The following NR5A2 variants were observed in gnomAD, a reference collection of about 807,000 sequenced individuals.
The protein encoded by NR5A2 is nuclear receptor subfamily 5 group A member 2, also known as CYP7A promoter-binding factor.
Under a neutral mutation model 62.7 loss-of-function variants are expected in NR5A2, and 26 were observed. The observed-to-expected ratio is 0.41, with a 90% CI of 0.30 to 0.58. The LOEUF is 0.58. NR5A2 is among the 20% of genes least tolerant of loss of function. The probability of loss-of-function intolerance (pLI) is 0.22; values close to 1 mark genes in which losing one functional copy is unlikely to be tolerated. For missense variants in NR5A2, 541 were observed against 669.1 expected, an observed-to-expected ratio of 0.81 and a Z score of 2.11; for synonymous variants, 246 against 241.7, an observed-to-expected ratio of 1.02 and a Z score of -0.16.
At chr1:200,053,401 A>T (rs1426508716) in intron 5 of NR5A2, among the ~76,000 whole-genome samples, 9 of 152,192 alleles carry the variant, frequency 5.9e-5, no homozygotes, top group Admixed American at 3.3e-4. Flanking sequence ...GAGATCACTG[A>T]GATCATTTGA....
At chr1:200,131,252 G>T (rs191812225) in intron 7 of NR5A2, among the ~76,000 whole-genome samples, 2 of 151,928 alleles carry the variant, frequency 1.3e-5, no homozygotes, top group Non-Finnish European at 2.9e-5. Context: ...TTTTCTTCCA[G>T]TGAGCAAAGC....
In NR5A2 at chr1:200,174,696, C is replaced by T. The variant is rs1654341361; in HGVS notation, c.*486C>T. 6.5e-6 allele frequency: 1 copy of T among 152,766 alleles called. No homozygotes were observed. 9.5% of individuals were successfully genotyped at this position (152,766 alleles called of 1,614,324 possible). On this transcript the variant is annotated 3_prime_UTR_variant, in exon 8 of 8. Transcript: ENST00000367362. ...ATCAGCTGTACCTACAATAGCCCCT[C>T]CCTCTTCCTTTGAAGGCCCCAGCAC... is the stretch of plus-strand genomic sequence containing the variant.
At position 200,174,126 on chromosome 1, in the gene NR5A2, A is replaced by C. The variant is rs1386772005; in HGVS notation, c.1542A>C (p.Glu514Asp). 1 of 1,613,866 alleles carries C rather than the reference A, an allele frequency of 6.2e-7. No individual in the cohort carries two copies. Among genetic ancestry groups the C allele is most frequent in the Admixed American group, 1.7e-5 (1 of 59,938 alleles). The change falls in exon 8 of 8, where the codon GAA becomes GAC. Residue 514 changes from glutamate to aspartate, a missense_variant. This residue lies in a region of NR5A2 where 379 missense variants were observed against 442.0 expected (regional missense o/e 0.86). Transcript: ENST00000367362. The stretch of plus-strand genomic sequence containing the variant: ...TCCGGGCCATCAGTATGCAGGCTGA[A>C]GAATACCTCTACTACAAGCACCTGA... ...PEIRAISMQA[E>D]EYLYYKHLNG...
intron 5 of NR5A2, among the ~76,000 whole-genome samples, chr1:200,072,315 CAG>C (rs1663773998): frequency 6.6e-6 from 1 of 152,030 alleles, no homozygotes; most frequent in Non-Finnish European, 1.5e-5. Flanking sequence ...ATATAGCAAT[CAG>C]ATAAATTTAA....
intron 1 of NR5A2, among the ~76,000 whole-genome samples, chr1:200,032,962 A>T (rs917871563): frequency 6.6e-6 from 1 of 152,236 alleles, no homozygotes; most frequent in Non-Finnish European, 1.5e-5. Context: ...CTTAAGAAAC[A>T]TATTTGTAAG....
intron 5 of NR5A2, among the ~76,000 whole-genome samples, chr1:200,052,007 G>A (rs149731997): frequency 2.2e-4 from 33 of 152,042 alleles, no homozygotes; most frequent in Admixed American, 1.0e-3. Context: ...TACAAGCCAC[G>A]CACTCTGATA....
intron 5 of NR5A2, among the ~76,000 whole-genome samples, chr1:200,068,364 T>C (rs1426762622): frequency 6.6e-6 from 1 of 152,212 alleles, no homozygotes; most frequent in Non-Finnish European, 1.5e-5. Context: ...GAGTGTTTCA[T>C]CTATTATAAT....
intron 5 of NR5A2, among the ~76,000 whole-genome samples, chr1:200,063,453 C>T (rs1045512282): frequency 1.3e-5 from 2 of 152,168 alleles, no homozygotes; most frequent in Non-Finnish European, 2.9e-5. Flanking sequence ...CCACCCCGCC[C>T]GGCCTAAAAG....
At chr1:200,132,172 G>A (rs1012333934) in intron 7 of NR5A2, among the ~76,000 whole-genome samples, 5 of 152,050 alleles carry the variant, frequency 3.3e-5, no homozygotes, top group African/African-American at 1.2e-4. Flanking sequence ...ACCACCCCCG[G>A]CTAATTTTTG....
intron 1 of NR5A2, chr1:200,038,668 G>A (rs749786088): frequency 2.7e-5 from 36 of 1,354,908 alleles, no homozygotes; most frequent in Non-Finnish European, 3.5e-5. Context: ...ACGCCCACCC[G>A]CGCCCCCATC....
Position 200,085,073 on chromosome 1 carries a change from A to G in NR5A2, c.1111-26129A>G, listed in dbSNP as rs1378194276. 1.3e-5 allele frequency among the ~76,000 whole-genome samples: 2 copies of G among 152,196 alleles called. 1 individual carries two copies. Among genetic ancestry groups the G allele is most frequent in the East Asian group, 3.9e-4 (2 of 5,192 alleles). On this transcript the variant is annotated intron_variant, in intron 5 of 7. Coordinates refer to ENST00000367362, the MANE Select transcript of NR5A2 (RefSeq NM_205860.3). ...GGAGGCTCCAGGGTGGGTTACTGCC[A>G]GTGGGGGACTAATGCTTCCGTCTAG...
At chr1:200,040,956 C>G (rs894774114) in intron 2 of NR5A2, among the ~76,000 whole-genome samples, 6 of 152,200 alleles carry the variant, frequency 3.9e-5, no homozygotes, top group African/African-American at 1.2e-4. Context: ...GTGAGAGTCC[C>G]CTAGAGCTGA....
At chr1:200,047,177 C>T (rs778916417) in intron 4 of NR5A2, among the ~76,000 whole-genome samples, 1 of 152,180 alleles carries the variant, frequency 6.6e-6, no homozygotes, top group Non-Finnish European at 1.5e-5. Context: ...TGCTAACTAA[C>T]TTATTAGTCA....
intron 7 of NR5A2, among the ~76,000 whole-genome samples, chr1:200,133,548 CACATATAT>C (rs774106755): frequency 0.41 from 54,920 of 132,432 alleles, 11,375 homozygotes; most frequent in Middle Eastern, 0.53. Context: ...TATATATATA[CACATATAT>C]ACACACATAT....
chr1:200,039,888 G>C lies in NR5A2; in HGVS notation c.202+93G>C. The C allele has an allele frequency of 4.2e-6, 6 of 1,420,956 alleles. No homozygotes were observed. The highest frequency in any genetic ancestry group is 4.6e-6 in the Non-Finnish European group (5 of 1,085,684). The allele number at this position is 1,420,956 out of a possible 1,614,324, so 88.0% of individuals were successfully genotyped here. A position where few individuals can be genotyped will look rare whatever the true frequency, so the allele number is the denominator to read the frequency against. ...TCAGCCTCCCGCCCCGCGCGGGCGC[G>C]GGAGTAGCCCCGCTGGGCGCTCGCA... On this transcript the variant is annotated intron_variant, in intron 2 of 7. Transcript: ENST00000367362. This position sits in a 1 kb window ranked among gnomAD's most constrained non-coding sequence, Gnocchi z 5.1.
chr1:200,175,895 C>A lies in NR5A2; in HGVS notation c.*1685C>A, dbSNP rs956792618. 3 of 152,482 alleles carry A rather than the reference C, an allele frequency of 2.0e-5. No individual in the cohort carries two copies. Among genetic ancestry groups the A allele is most frequent in the Admixed American group, 2.0e-4 (3 of 15,272 alleles). 9.4% of individuals were successfully genotyped at this position (152,482 alleles called of 1,614,324 possible). A position where few individuals can be genotyped will look rare whatever the true frequency, so the allele number is the denominator to read the frequency against. On this transcript the variant is annotated 3_prime_UTR_variant, in exon 8 of 8. Coordinates refer to ENST00000367362, the MANE Select transcript of NR5A2 (RefSeq NM_205860.3). ...TTAATTTTTTCATAAATATTTCTGG[C>A]TTTTGAGTAGTGTATTTATATTGTA...
intron 5 of NR5A2, among the ~76,000 whole-genome samples, chr1:200,105,809 C>T (rs367705016): frequency 7.2e-4 from 109 of 151,978 alleles, no homozygotes; most frequent in African/African-American, 2.4e-3. Flanking sequence ...AAAAATTAGC[C>T]GGCATGGTGG....
intron 2 of NR5A2, among the ~76,000 whole-genome samples, chr1:200,041,500 C>G (rs1319330462): frequency 6.6e-6 from 1 of 152,114 alleles, no homozygotes; most frequent in Non-Finnish European, 1.5e-5. Context: ...ACCTGGGACG[C>G]CTCCGTAGGA....
intron 2 of NR5A2, among the ~76,000 whole-genome samples, chr1:200,042,123 G>C (rs1662118355): frequency 1.3e-5 from 2 of 152,148 alleles, no homozygotes. Context: ...TGGGATTCAG[G>C]CTGGCACCGC....
Sources: gnomAD v4.1 joint callset for allele counts (sites outside exome capture counted in the v4.1 genomes callset) on GRCh38, gnomAD v4.1.1 for gene constraint, gnomAD v4.1.1 regional missense constraint, Gnocchi (gnomAD v3.1) non-coding constraint, MANE v1.5 for transcripts, NCBI Gene and HGNC (gene_info 2026-07-23, HGNC 2026-07-21) for gene names.